Variants in ZNF76 observed in about 807,000 individuals in gnomAD.
The protein encoded by ZNF76 is zinc finger protein 76, also known as zinc finger protein 523.
ZNF76 carries 66 observed loss-of-function variants against 66.9 expected under a neutral mutation model. The ratio of observed to expected loss-of-function variants is 0.99; its 90% CI spans 0.81 to 1.21. ZNF76 has a LOEUF of 1.21. ZNF76 is among the 50% of genes most tolerant of loss of function. The pLI is 0.00. For missense variants in ZNF76, 729 were observed against 760.3 expected, an observed-to-expected ratio of 0.96 and a Z score of 0.48; for synonymous variants, 275 against 296.1, an observed-to-expected ratio of 0.93 and a Z score of 0.73.
intron 7 of ZNF76, 116 bp downstream of exon 7, chr6:35,290,832 T>TA (rs1790275751): frequency 1.0e-6 from 1 of 967,882 alleles, no homozygotes; most frequent in Non-Finnish European, 1.6e-6. Context: ...ACCGTCAGAG[T>TA]ACTCTGACTT....
chr6:35,264,878 A>G (rs1039386195), intron 1 of ZNF76, among the ~76,000 whole-genome samples: 5 of 152,112 alleles, frequency 3.3e-5, no homozygotes, highest in African/African-American at 1.2e-4. Context: ...TTCTGGTGGA[A>G]TAGGGCTGGA....
At chr6:35,289,313 C>T (rs1172200235) in intron 5 of ZNF76, among the ~76,000 whole-genome samples, 1 of 152,198 alleles carries the variant, frequency 6.6e-6, no homozygotes, top group Non-Finnish European at 1.5e-5. Flanking sequence ...CCAAGCAGGT[C>T]AGGCCACCTC....
intron 1 of ZNF76, among the ~76,000 whole-genome samples, chr6:35,267,348 C>T (rs925829509): frequency 3.3e-5 from 5 of 151,850 alleles, no homozygotes; most frequent in South Asian, 2.1e-4. Flanking sequence ...CCACCTGCCT[C>T]GGTCTCCCAA....
chr6:35,266,210 T>C (rs1204295269), intron 1 of ZNF76, among the ~76,000 whole-genome samples: 1 of 151,804 alleles, frequency 6.6e-6, no homozygotes. Context: ...TGGAGTGCAG[T>C]GGCGTGATCT....
intron 1 of ZNF76, among the ~76,000 whole-genome samples, chr6:35,275,281 C>G (rs1211212401): frequency 3.3e-5 from 5 of 152,178 alleles, no homozygotes; most frequent in Admixed American, 3.3e-4. Context: ...TGTCTCTCCC[C>G]TATACACAGC....
intron 1 of ZNF76, among the ~76,000 whole-genome samples, chr6:35,272,934 A>G (rs1582068754): frequency 6.6e-6 from 1 of 152,050 alleles, no homozygotes; most frequent in Non-Finnish European, 1.5e-5. Flanking sequence ...TAGGTGGATC[A>G]CTTGAGGTCA....
At chr6:35,262,913 C>G (rs1164067160) in intron 1 of ZNF76, among the ~76,000 whole-genome samples, 4 of 152,126 alleles carry the variant, frequency 2.6e-5, no homozygotes, top group African/African-American at 7.2e-5. Context: ...TGTCTTTCAC[C>G]CTTCCACAGG....
At chr6:35,280,973 G>A in intron 1 of ZNF76, 83 bp from the exon 2 acceptor site, 1 of 636,638 alleles carries the variant, frequency 1.6e-6, no homozygotes, top group South Asian at 1.9e-5. Context: ...TTGGCTGGCT[G>A]GCCTCATTAA....
chr6:35,278,694 G>A (rs1011062523), intron 1 of ZNF76, among the ~76,000 whole-genome samples: 1 of 152,246 alleles, frequency 6.6e-6, no homozygotes, highest in African/African-American at 2.4e-5. Flanking sequence ...CTTCACGACT[G>A]CACTGAGTTT....
At chr6:35,284,131 G>T (rs1789180116) in intron 2 of ZNF76, among the ~76,000 whole-genome samples, 1 of 151,452 alleles carries the variant, frequency 6.6e-6, no homozygotes, top group Non-Finnish European at 1.5e-5. Flanking sequence ...TCACCCTGTA[G>T]CCCAGGCTGG....
intron 1 of ZNF76, among the ~76,000 whole-genome samples, chr6:35,272,370 C>G (rs187334412): frequency 1.6e-4 from 24 of 152,220 alleles, no homozygotes; most frequent in Admixed American, 8.5e-4. Flanking sequence ...TTGAGAGTCT[C>G]AGGCAAGAAG....
chr6:35,294,004 C>G, intron 12 of ZNF76, 89 bp downstream of exon 12: 1 of 1,460,824 alleles, frequency 6.8e-7, no homozygotes, highest in Non-Finnish European at 9.3e-7. Flanking sequence ...CTAGTCAAGT[C>G]TTCTTACCAG....
At chr6:35,276,791 GTTTTTTT>G (rs10571257) in intron 1 of ZNF76, among the ~76,000 whole-genome samples, 1 of 97,066 alleles carries the variant, frequency 1.0e-5, no homozygotes, top group African/African-American at 4.0e-5. Context: ...TTATTTATGG[GTTTTTTT>G]TTTTTTTTTT....
chr6:35,274,168 T>C (rs1185947237), intron 1 of ZNF76, among the ~76,000 whole-genome samples: 2 of 152,250 alleles, frequency 1.3e-5, no homozygotes, highest in African/African-American at 4.8e-5. Context: ...AAGTTTTCTA[T>C]GTTTACAAAT....
rs1256253159 is a variant in ZNF76, at chr6:35,295,468, G to A, written c.*220G>A. ...TCAGGGGAGTGCATCATCCTCGGGAGCTGACAACAGCCAGGCTACACCAGG... is the reference window on the plus strand; with the variant it reads ...TCAGGGGAGTGCATCATCCTCGGGAACTGACAACAGCCAGGCTACACCAGG... On this transcript the variant is annotated 3_prime_UTR_variant, in exon 14 of 14. Coordinates refer to ENST00000373953, the MANE Select transcript of ZNF76 (RefSeq NM_003427.5). The A allele has an allele frequency of 1.2e-5, 7 of 568,184 alleles. No homozygotes were observed. The African/African-American group carries it at 1.3e-4, about 11-fold the overall frequency. 35.2% of individuals were successfully genotyped at this position (568,184 alleles called of 1,614,324 possible).
At chr6:35,261,860 C>G (rs1250154505) in intron 1 of ZNF76, among the ~76,000 whole-genome samples, 1 of 152,106 alleles carries the variant, frequency 6.6e-6, no homozygotes, top group Non-Finnish European at 1.5e-5. Context: ...AACTTGGTGA[C>G]TTTCTCATCC....
rs972814974 is a variant in ZNF76, at chr6:35,275,618, G to A, written c.-96-5438G>A. Among the ~76,000 whole-genome samples the A allele has an allele frequency of 9.8e-5, 15 of 152,306 alleles. No homozygotes were observed. The East Asian group carries it at 1.5e-3, about 16-fold the overall frequency. ...CTTCCTCCTCACCCTCTGCAGTCAGGCTCTTTTGGAAGGCAGCTTCAGAGA... is the reference window on the plus strand; with the variant it reads ...CTTCCTCCTCACCCTCTGCAGTCAGACTCTTTTGGAAGGCAGCTTCAGAGA... On this transcript the variant is annotated intron_variant, in intron 1 of 13. Transcript: ENST00000373953.
At chr6:35,279,242 G>C (rs1473700639) in intron 1 of ZNF76, 1 of 167,062 alleles carries the variant, frequency 6.0e-6, no homozygotes, top group African/African-American at 2.4e-5. Flanking sequence ...AGATTGCTTG[G>C]GAATTTAGCA....
intron 2 of ZNF76, 146 bp from the exon 3 acceptor site, chr6:35,285,982 A>AGCAAGG (rs1789504178): frequency 4.0e-6 from 3 of 746,650 alleles, no homozygotes; most frequent in Non-Finnish European, 6.7e-6. Context: ...AGGGAGACAG[A>AGCAAGG]GCAAGGGAAC....
Sources: allele counts gnomAD v4.1 joint callset (sites outside exome capture counted in the v4.1 genomes callset), GRCh38; gene constraint gnomAD v4.1.1; transcripts MANE v1.5; gene names NCBI Gene and HGNC (gene_info 2026-07-23, HGNC 2026-07-21).